FREM2: variants seen among roughly 807,000 people sequenced by gnomAD.
FREM2 encodes the protein FRAS1-related extracellular matrix protein 2.
In FREM2, 119 loss-of-function variants were observed where a neutral mutation model predicts 219.9. The observed-to-expected ratio is 0.54, with a 90% CI of 0.47 to 0.63. The LOEUF is 0.63. FREM2 is among the 30% of genes least tolerant of loss of function. The probability of loss-of-function intolerance (pLI) is 0.00; values close to 1 mark genes in which losing one functional copy is unlikely to be tolerated. For missense variants in FREM2, 4,030 were observed against 3,993.6 expected (o/e 1.01, Z -0.25); for synonymous variants, 1,562 against 1,522.8 (o/e 1.03, Z -0.60).
intron 2 of FREM2, among the ~76,000 whole-genome samples, chr13:38,734,738 CTTTTT>C (rs11314517): frequency 2.3e-4 from 21 of 89,382 alleles, no homozygotes; most frequent in Admixed American, 5.3e-4. Flanking sequence ...CAGTGCTATA[CTTTTT>C]TTTTTTTTTT....
chr13:38,858,824 A>G (rs1439666217), intron 13 of FREM2, among the ~76,000 whole-genome samples: 2 of 152,144 alleles, frequency 1.3e-5, no homozygotes, highest in Non-Finnish European at 2.9e-5. Context: ...GCAGGTTAAC[A>G]GGGCAGTCGT....
chr13:38,852,341 T>C (rs2137912846), intron 11 of FREM2, among the ~76,000 whole-genome samples: 1 of 152,364 alleles, frequency 6.6e-6, no homozygotes, highest in South Asian at 2.1e-4. Flanking sequence ...AAGATTTTTT[T>C]CTTTTTGACT....
At chr13:38,851,897 A>G (rs1213352497) in intron 11 of FREM2, 29 bp downstream of exon 11, 10 of 1,588,690 alleles carry the variant, frequency 6.3e-6, no homozygotes, top group Non-Finnish European at 7.8e-6. Flanking sequence ...CTGTCTCCTG[A>G]TGGATCATGC....
intron 12 of FREM2, among the ~76,000 whole-genome samples, 183 bp downstream of exon 12, chr13:38,856,439 A>G (rs918314385): frequency 2.0e-5 from 3 of 152,148 alleles, no homozygotes; most frequent in African/African-American, 7.2e-5. Flanking sequence ...TAGTCAAGAA[A>G]TGTGCATCTT....
In FREM2 at chr13:38,830,702, C is replaced by T. The variant is rs140690097; in HGVS notation, c.6020-15871C>T. On this transcript the variant is annotated intron_variant, in intron 6 of 23. Coordinates refer to ENST00000280481, the MANE Select transcript of FREM2 (RefSeq NM_207361.6). ...AACTTCCCAACCTACTGCACACTCA[C>T]GTCTTTCTTTTCCTTTATCTGAGAT... 6.6e-5 allele frequency among the ~76,000 whole-genome samples: 10 copies of T among 152,316 alleles called. No individual in the cohort carries two copies. The East Asian group carries it at 1.7e-3, about 26-fold the overall frequency.
chr13:38,851,118 CT>C lies in FREM2; in HGVS notation c.6742+17del, dbSNP rs757565298. The C allele has an allele frequency of 2.5e-6, 4 of 1,612,364 alleles. No individual in the cohort carries two copies. The highest frequency in any genetic ancestry group is 4.5e-5 in the East Asian group (2 of 44,856). Reference sequence around the variant, plus strand: ...CGAGATGATGCTGATAGTAAGAAATCTTTTTTTGTTTGTTCAACTGTAAATT... The same window carrying C: ...CGAGATGATGCTGATAGTAAGAAATCTTTTTTGTTTGTTCAACTGTAAATT... On this transcript the variant is annotated intron_variant, in intron 10 of 23. Transcript: ENST00000280481.
chr13:38,829,255 A>G (rs1231852108), intron 6 of FREM2, among the ~76,000 whole-genome samples: 1 of 152,156 alleles, frequency 6.6e-6, no homozygotes. Context: ...CCATATTGGC[A>G]TTCACTGTGC....
chr13:38,751,176 G>C (rs1872739605), intron 2 of FREM2, among the ~76,000 whole-genome samples: 1 of 147,252 alleles, frequency 6.8e-6, no homozygotes, highest in African/African-American at 2.5e-5. Context: ...TGGGATTGCT[G>C]GATCATATGA....
At chr13:38,772,668 A>G (rs1411005204) in intron 4 of FREM2, among the ~76,000 whole-genome samples, 1 of 150,586 alleles carries the variant, frequency 6.6e-6, no homozygotes, top group Admixed American at 6.7e-5. Flanking sequence ...CCAAAATTAT[A>G]TGACAAAAAG....
chr13:38,729,609 T>C (rs1320871790), intron 2 of FREM2, among the ~76,000 whole-genome samples: 1 of 152,182 alleles, frequency 6.6e-6, no homozygotes, highest in Non-Finnish European at 1.5e-5. Context: ...AAAAAATACT[T>C]CTTTAAAGAC....
chr13:38,687,464 G>A lies in FREM2; in HGVS notation c.120G>A (p.Leu40=). Residue 40 remains leucine (L), a synonymous_variant, in exon 1 of 24, where the codon CTG becomes CTA. Coordinates refer to ENST00000280481, the MANE Select transcript of FREM2 (RefSeq NM_207361.6). ...LLLLLLLLLS[L]VSRVPAQPAA... ...TGCTGCTGCTGCTTCTCCTGTCACTGGTAAGCCGCGTCCCGGCACAGCCCG... is the reference window on the plus strand; with the variant it reads ...TGCTGCTGCTGCTTCTCCTGTCACTAGTAAGCCGCGTCCCGGCACAGCCCG... 6.3e-7 allele frequency: 1 copy of A among 1,591,528 alleles called. No individual in the cohort carries two copies. Among genetic ancestry groups the A allele is most frequent in the South Asian group, 1.1e-5 (1 of 88,018 alleles).
intron 6 of FREM2, among the ~76,000 whole-genome samples, chr13:38,830,737 CTTCAATGCTGCCA>C (rs1876474678): frequency 6.8e-6 from 1 of 146,884 alleles, no homozygotes; most frequent in South Asian, 2.1e-4. Context: ...TGCTTTTCCT[CTTCAATGCTGCCA>C]AGCATTGAAG....
intron 4 of FREM2, among the ~76,000 whole-genome samples, chr13:38,771,037 A>G (rs1566136144): frequency 6.6e-6 from 1 of 152,208 alleles, no homozygotes; most frequent in Non-Finnish European, 1.5e-5. Flanking sequence ...GTTTGCAAAG[A>G]TACAATCTAC....
At chr13:38,839,768 G>A (rs372356843) in intron 6 of FREM2, among the ~76,000 whole-genome samples, 4 of 152,068 alleles carry the variant, frequency 2.6e-5, no homozygotes, top group East Asian at 1.9e-4. Context: ...GGGGAAAACC[G>A]CCTACTCAAG....
At chr13:38,776,005 G>A (rs867140450) in intron 4 of FREM2, among the ~76,000 whole-genome samples, 1 of 152,154 alleles carries the variant, frequency 6.6e-6, no homozygotes, top group African/African-American at 2.4e-5. Flanking sequence ...TGAACTCATA[G>A]CACTTATTAT....
Position 38,688,545 on chromosome 13 carries a change from G to C in FREM2, c.1201G>C (p.Asp401His). 1 of 1,613,858 alleles carries C rather than the reference G, an allele frequency of 6.2e-7. No homozygotes were observed. Among genetic ancestry groups the C allele is most frequent in the Non-Finnish European group, 8.5e-7 (1 of 1,179,876 alleles). ...GATTGCCTACCAGCCCCCTTCTGAA[G>C]ACTCTGACCAGGAGCGCCTCTTTGA... ...LKIAYQPPSE[D>H]SDQERLFELE... is the part of the protein sequence containing the mutation. The change falls in exon 1 of 24, where the codon GAC becomes CAC. Residue 401 changes from aspartate (D) to histidine (H), a missense_variant. Physicochemically the swap from Asp to His is moderately conservative, Grantham distance 81 (BLOSUM62 -1). Coordinates refer to ENST00000280481, the MANE Select transcript of FREM2 (RefSeq NM_207361.6).
chr13:38,819,109 A>G (rs1343113818), intron 6 of FREM2, among the ~76,000 whole-genome samples: 4 of 152,164 alleles, frequency 2.6e-5, no homozygotes, highest in Non-Finnish European at 5.9e-5. Flanking sequence ...AAGATCAGAG[A>G]CTGCTGTAGT....
intron 2 of FREM2, among the ~76,000 whole-genome samples, chr13:38,746,835 C>T (rs1872503609): frequency 6.6e-6 from 1 of 152,220 alleles, no homozygotes; most frequent in African/African-American, 2.4e-5. Context: ...TTCCAGAGAA[C>T]AAATGAAGGT....
chr13:38,810,877 G>A (rs1190169062), intron 6 of FREM2, among the ~76,000 whole-genome samples: 1 of 151,904 alleles, frequency 6.6e-6, no homozygotes, highest in Admixed American at 6.6e-5. Context: ...AGTTTTAATA[G>A]GATTAGTATT....
Sources: gnomAD v4.1 joint callset for allele counts (sites outside exome capture counted in the v4.1 genomes callset) on GRCh38, gnomAD v4.1.1 for gene constraint, MANE v1.5 for transcripts, NCBI Gene and HGNC (gene_info 2026-07-23, HGNC 2026-07-21) for gene names.